IRAK2: variants seen among roughly 807,000 people sequenced by gnomAD.
IRAK2 encodes the protein interleukin 1 receptor associated kinase 2, also known as interleukin-1 receptor-associated kinase-like 2.
In IRAK2, 57 loss-of-function variants were observed where a neutral mutation model predicts 72.0. The observed-to-expected ratio is 0.79, with a 90% CI of 0.64 to 0.99. The LOEUF (loss-of-function observed/expected upper bound fraction) is 0.99. Ranked by LOEUF, IRAK2 falls within the 50% of genes least tolerant of loss-of-function variation. IRAK2 has a pLI of 0.00. For missense variants in IRAK2, 790 were observed against 794.4 expected (o/e 0.99, Z 0.07); for synonymous variants, 293 against 312.7 (o/e 0.94, Z 0.67).
At chr3:10,216,819 C>T in intron 6 of IRAK2, 115 bp from the exon 7 acceptor site, 1 of 742,664 alleles carries the variant, frequency 1.3e-6, no homozygotes, top group South Asian at 1.6e-5. Flanking sequence ...TATGTGGTAC[C>T]TGGGAGGTTA....
chr3:10,165,077 C>G, intron 1 of IRAK2, 29 bp downstream of exon 1: 3 of 1,575,090 alleles, frequency 1.9e-6, no homozygotes, highest in Non-Finnish European at 2.6e-6. Context: ...GGGGAGGGGA[C>G]CAGGGCGACC....
chr3:10,200,822 G>C (rs1375436428), intron 3 of IRAK2, among the ~76,000 whole-genome samples: 5 of 152,182 alleles, frequency 3.3e-5, no homozygotes, highest in Admixed American at 6.5e-5. Context: ...GATTGCTCGA[G>C]CCCAGGAGTG....
At chr3:10,209,743 G>A in intron 4 of IRAK2, 51 bp downstream of exon 4, 1 of 1,158,468 alleles carries the variant, frequency 8.6e-7, no homozygotes, top group African/African-American at 1.6e-5. Flanking sequence ...CCAGCGTGTA[G>A]TTCCCTCTCA....
intron 9 of IRAK2, 31 bp downstream of exon 9, chr3:10,222,862 G>A (rs760779015): frequency 1.3e-6 from 2 of 1,588,212 alleles, no homozygotes; most frequent in Non-Finnish European, 8.6e-7. Context: ...GTAGAGTGGG[G>A]CCCACCTTGA....
chr3:10,206,938 T>C (rs951755605), intron 3 of IRAK2, among the ~76,000 whole-genome samples: 3 of 150,538 alleles, frequency 2.0e-5, no homozygotes, highest in African/African-American at 7.3e-5. Flanking sequence ...ACGGCAACCT[T>C]TGCCTCCCTG....
Position 10,164,970 on chromosome 3 carries a change from T to A in IRAK2, c.16T>A (p.Tyr6Asn), listed in dbSNP as rs1314363319. Residue 6 changes from tyrosine to asparagine, a missense_variant, in exon 1 of 13, where the codon TAC becomes AAC. Coordinates refer to ENST00000256458, the MANE Select transcript of IRAK2 (RefSeq NM_001570.4). ...GTAGCGTGCCATGGCCTGCTACATC[T>A]ACCAGCTGCCCTCCTGGGTGCTGGA... MACYIYQLPSWVLDDL... is the reference protein window; with the variant it reads MACYINQLPSWVLDDL... The A allele has an allele frequency of 6.2e-7, 1 of 1,610,512 alleles. No individual in the cohort carries two copies. Among genetic ancestry groups the A allele is most frequent in the South Asian group, 1.1e-5 (1 of 90,844 alleles).
intron 2 of IRAK2, among the ~76,000 whole-genome samples, chr3:10,183,582 G>A (rs1013919236): frequency 4.6e-5 from 7 of 152,232 alleles, no homozygotes; most frequent in African/African-American, 7.2e-5. Flanking sequence ...TTAGCCTGGC[G>A]TGGTTGCGGG....
chr3:10,235,779 GAGA>G (rs1559454242), intron 11 of IRAK2, among the ~76,000 whole-genome samples: 24 of 152,094 alleles, frequency 1.6e-4, no homozygotes, highest in Non-Finnish European at 1.5e-5. Flanking sequence ...GGCCACAGAC[GAGA>G]AGATGAGGCC....
chr3:10,165,120 C>T, intron 1 of IRAK2, 72 bp downstream of exon 1: 1 of 1,363,340 alleles, frequency 7.3e-7, no homozygotes, highest in Non-Finnish European at 1.0e-6. Context: ...GGAGCGGCCG[C>T]CAAGCTCCCT....
intron 3 of IRAK2, among the ~76,000 whole-genome samples, chr3:10,204,689 C>G (rs1045826506): frequency 2.0e-5 from 3 of 152,098 alleles, no homozygotes; most frequent in Non-Finnish European, 2.9e-5. Flanking sequence ...GCGGAGGTTG[C>G]AGTGAGCCGA....
intron 1 of IRAK2, among the ~76,000 whole-genome samples, chr3:10,170,830 C>T (rs1291485658): frequency 6.6e-6 from 1 of 152,216 alleles, no homozygotes; most frequent in Non-Finnish European, 1.5e-5. Flanking sequence ...GCCAGCGGTG[C>T]CTCCGGCCCA....
intron 1 of IRAK2, among the ~76,000 whole-genome samples, chr3:10,176,956 C>T (rs1300844858): frequency 6.6e-6 from 1 of 151,900 alleles, no homozygotes. Context: ...GTGCCCGCCA[C>T]CACGCCCGGC....
At chr3:10,173,022 A>C (rs1351485843) in intron 1 of IRAK2, among the ~76,000 whole-genome samples, 1 of 151,954 alleles carries the variant, frequency 6.6e-6, no homozygotes, top group African/African-American at 2.4e-5. Context: ...AGATAGTTTA[A>C]CACTTACAGC....
chr3:10,218,575 C>T (rs955167404), intron 7 of IRAK2, among the ~76,000 whole-genome samples: 20 of 151,898 alleles, frequency 1.3e-4, no homozygotes, highest in African/African-American at 4.3e-4. Context: ...ATAAAATCAG[C>T]GTAAGGCCCA....
intron 7 of IRAK2, 55 bp downstream of exon 7, chr3:10,217,103 G>A (rs1369852401): frequency 2.3e-6 from 3 of 1,315,950 alleles, no homozygotes; most frequent in African/African-American, 2.9e-5. Flanking sequence ...CAGCCATGGG[G>A]TCAAGGGTTA....
intron 2 of IRAK2, among the ~76,000 whole-genome samples, chr3:10,193,911 C>A (rs1215992444): frequency 2.0e-5 from 3 of 152,244 alleles, no homozygotes; most frequent in Non-Finnish European, 4.4e-5. Flanking sequence ...AAGTTGCTGC[C>A]CACCTAGAAT....
At chr3:10,202,689 C>CTTTTTT (rs374939802) in intron 3 of IRAK2, among the ~76,000 whole-genome samples, 6 of 98,066 alleles carry the variant, frequency 6.1e-5, no homozygotes, top group African/African-American at 1.2e-4. Context: ...ACTTTCTTTC[C>CTTTTTT]TTTTTTTTTT....
At chr3:10,226,318 G>A in intron 9 of IRAK2, 53 bp from the exon 10 acceptor site, 1 of 1,441,030 alleles carries the variant, frequency 6.9e-7, no homozygotes, top group South Asian at 1.2e-5. Flanking sequence ...TCTGCTGCCT[G>A]GCTGTGTGCA....
Position 10,234,600 on chromosome 3 carries a change from G to A in IRAK2, c.1414G>A (p.Glu472Lys), listed in dbSNP as rs200178235. Residue 472 changes from glutamate (E) to lysine (K), a missense_variant, in exon 11 of 13, where the codon GAG becomes AAG. Transcript: ENST00000256458. ...GAGRLPEDCA[E>K]ALATAACLCL... ...AGGGAGGCTTCCGGAGGACTGCGCCGAGGCCCTGGCCACGGCTGCCTGCCT... is the reference window on the plus strand; with the variant it reads ...AGGGAGGCTTCCGGAGGACTGCGCCAAGGCCCTGGCCACGGCTGCCTGCCT... The A allele has an allele frequency of 1.9e-5, 30 of 1,613,498 alleles. No homozygotes were observed. The African/African-American group carries it at 2.9e-4, about 16-fold the overall frequency.
Sources: gnomAD v4.1 joint callset for allele counts (sites outside exome capture counted in the v4.1 genomes callset) on GRCh38, gnomAD v4.1.1 for gene constraint, MANE v1.5 for transcripts, NCBI Gene and HGNC (gene_info 2026-07-23, HGNC 2026-07-21) for gene names.